GMIP: variants seen among roughly 807,000 people sequenced by gnomAD.
GMIP encodes GEM interacting protein.
GMIP carries 54 observed loss-of-function variants against 105.3 expected under a neutral mutation model. The ratio of observed to expected loss-of-function variants is 0.51; its 90% confidence interval spans 0.41 to 0.64. GMIP has a LOEUF of 0.64. Ranked by LOEUF, GMIP falls within the 30% of genes least tolerant of loss-of-function variation. The pLI, the probability that GMIP is intolerant of heterozygous loss-of-function variation, is 0.00. For missense variants in GMIP, 1,110 were observed against 1,319.4 expected (o/e 0.84, Z 2.46); for synonymous variants, 541 against 560.8 (o/e 0.96, Z 0.50).
intron 7 of GMIP, among the ~76,000 whole-genome samples, chr19:19,639,550 A>G (rs981635755): frequency 6.6e-6 from 1 of 151,656 alleles, no homozygotes; most frequent in Non-Finnish European, 1.5e-5. Flanking sequence ...CTCCCCACAA[A>G]CAAAAACGAA....
At chr19:19,638,532 A>G (rs765650037) in intron 7 of GMIP, 50 bp from the exon 8 acceptor site, 1 of 1,467,888 alleles carries the variant, frequency 6.8e-7, no homozygotes. Context: ...GGGCCAACCC[A>G]GAAGCAGCCA....
chr19:19,633,477 G>C (rs1362823665), intron 19 of GMIP, among the ~76,000 whole-genome samples: 1 of 152,204 alleles, frequency 6.6e-6, no homozygotes, highest in East Asian at 1.9e-4. Context: ...GGCACTGAGA[G>C]GGCAGGGTCT....
At chr19:19,639,551 C>T (rs2061895767) in intron 7 of GMIP, among the ~76,000 whole-genome samples, 1 of 151,710 alleles carries the variant, frequency 6.6e-6, no homozygotes, top group Non-Finnish European at 1.5e-5. Context: ...TCCCCACAAA[C>T]AAAAACGAAG....
chr19:19,637,369 T>C lies in GMIP; in HGVS notation c.1120A>G (p.Asn374Asp). 2 of 1,499,524 alleles carry C rather than the reference T, an allele frequency of 1.3e-6. No homozygotes were observed. Among genetic ancestry groups the C allele is most frequent in the Non-Finnish European group, 1.8e-6 (2 of 1,128,502 alleles). The allele number at this position is 1,499,524 out of a possible 1,614,324, so 92.9% of individuals were successfully genotyped here. Residue 374 changes from asparagine (N) to aspartate (D), a missense_variant, in exon 11 of 21, where the codon AAC (asparagine) becomes GAC (aspartate). Coordinates refer to ENST00000203556, the MANE Select transcript of GMIP (RefSeq NM_016573.4). This position sits in a 1 kb window ranked among gnomAD's most constrained non-coding sequence, Gnocchi z 6.7. ...CTCCCTGCTCCAGTGACCCACCTGTTCAAGGAGGGAAGGAACTCCTGGAAG... is the reference window on the plus strand; with the variant it reads ...CTCCCTGCTCCAGTGACCCACCTGTCCAAGGAGGGAAGGAACTCCTGGAAG... Reference protein sequence around the residue: ...FSFQEFLPSLNSSPLDIRKKL... With the variant: ...FSFQEFLPSLDSSPLDIRKKL...
chr19:19,643,281 C>G (rs965494293), intron 1 of GMIP: 3 of 472,234 alleles, frequency 6.4e-6, no homozygotes, highest in Non-Finnish European at 1.2e-5. Flanking sequence ...CTTCCTGGGC[C>G]CCCTCCCCCA....
chr19:19,633,935 G>A lies in GMIP; in HGVS notation c.2340C>T (p.Leu780=), dbSNP rs760734521. Residue 780 remains leucine, a synonymous_variant, in exon 19 of 21, where the codon CTC becomes CTT. Transcript: ENST00000203556. ...GGGGTGGCGGTTGGGAGCTGGTTGT[G>A]AGGGGCCCAGGGGCTGGGCTGGAGT... ...PQDSSPAPGP[L]TTSSQPPPPH... is the part of the protein sequence containing the mutation. The A allele has an allele frequency of 1.9e-6, 3 of 1,565,174 alleles. No homozygotes were observed. The highest frequency in any genetic ancestry group is 2.6e-6 in the Non-Finnish European group (3 of 1,149,612).
rs760815625 is a variant in GMIP at position 19,640,547 on chromosome 19, A to T, written c.263T>A (p.Ile88Asn). ...TGCGTCCACACCCCCCTTTGTCCGAATGAGCCGCAAGTCCAGTTCCTCCCC... is the reference window on the plus strand; with the variant it reads ...TGCGTCCACACCCCCCTTTGTCCGATTGAGCCGCAAGTCCAGTTCCTCCCC... Reference protein sequence around the residue: ...LTGEELDLRLIRTKGGVDAAL... With the variant: ...LTGEELDLRLNRTKGGVDAAL... Residue 88 changes from isoleucine to asparagine, a missense_variant, in exon 5 of 21, where the codon ATT becomes AAT. Coordinates refer to ENST00000203556, the MANE Select transcript of GMIP (RefSeq NM_016573.4). 7 of 1,613,832 alleles carry T rather than the reference A, an allele frequency of 4.3e-6. No individual in the cohort carries two copies. In the Admixed American group the frequency reaches 5.0e-5, roughly 12 times the overall value.
At chr19:19,643,402 C>A in intron 1 of GMIP, 109 bp downstream of exon 1, 1 of 1,050,446 alleles carries the variant, frequency 9.5e-7, no homozygotes, top group Non-Finnish European at 1.4e-6. Flanking sequence ...CCTTCCCATT[C>A]AGGAACTCCT....
chr19:19,637,554 A>T lies in GMIP; in HGVS notation c.935T>A (p.Leu312Gln). The T allele has an allele frequency of 6.6e-7, 1 of 1,525,268 alleles. No homozygotes were observed. Among genetic ancestry groups the T allele is most frequent in the Non-Finnish European group, 8.8e-7 (1 of 1,141,514 alleles). The allele number at this position is 1,525,268 out of a possible 1,614,324, so 94.5% of individuals were successfully genotyped here. A position where few individuals can be genotyped will look rare whatever the true frequency, so the allele number is the denominator to read the frequency against. The change falls in exon 11 of 21, where the codon CTG becomes CAG. Residue 312 changes from leucine to glutamine, a missense_variant. Physicochemically the swap from Leu to Gln is moderately radical, Grantham distance 113. Around this residue, in one of 3 missense-constraint regions of GMIP, gnomAD observed 667 missense variants for 773.2 expected, o/e 0.86. Transcript: ENST00000203556. The surrounding 1 kb of genome is among the most constrained non-coding windows in gnomAD (Gnocchi z 6.7). ...QGDEVLRRVT[L>Q]SLFGLRGAQA... is the part of the protein sequence containing the mutation. ...CGCCCCCCGCAGCCCGAAGAGACTC[A>T]GCGTCACCTGCCGGGTGGAGACAGC... is the stretch of plus-strand genomic sequence containing the variant.
At position 19,637,304 on chromosome 19, in the gene GMIP, G is replaced by T; in HGVS notation, c.1124+61C>A. 2 of 1,169,944 alleles carry T rather than the reference G, an allele frequency of 1.7e-6. No homozygotes were observed. The highest frequency in any genetic ancestry group is 2.4e-6 in the Non-Finnish European group (2 of 832,304). 72.5% of individuals were successfully genotyped at this position (1,169,944 alleles called of 1,614,324 possible). A position where few individuals can be genotyped will look rare whatever the true frequency, so the allele number is the denominator to read the frequency against. On this transcript the variant is annotated intron_variant, in intron 11 of 20. Transcript: ENST00000203556. The surrounding 1 kb of genome is among the most constrained non-coding windows in gnomAD (Gnocchi z 6.7). The stretch of plus-strand genomic sequence containing the variant: ...TAACCTCGAGTAACCAGCCTGCGGT[G>T]CCAACAGCCTGGCATCGCGATTCCG...
rs2061769838 is a variant in GMIP, at chr19:19,629,496, A to C, written c.*467T>G. The C allele has an allele frequency of 5.9e-6, 1 of 168,732 alleles. No individual in the cohort carries two copies. The highest frequency in any genetic ancestry group is 1.3e-5 in the Non-Finnish European group (1 of 77,214). 10.5% of individuals were successfully genotyped at this position (168,732 alleles called of 1,614,324 possible). A position where few individuals can be genotyped will look rare whatever the true frequency, so the allele number is the denominator to read the frequency against. On this transcript the variant is annotated 3_prime_UTR_variant, in exon 21 of 21. Coordinates refer to ENST00000203556, the MANE Select transcript of GMIP (RefSeq NM_016573.4). ...GGGCATATAGGACACAGTTTATTAG[A>C]GGCCATCAGACCTCAGGCACCACCA...
chr19:19,638,774 T>C (rs1295450057), intron 7 of GMIP, among the ~76,000 whole-genome samples: 1 of 150,942 alleles, frequency 6.6e-6, no homozygotes, highest in Non-Finnish European at 1.5e-5. Flanking sequence ...AAAAACAATT[T>C]CTTCTTTTTT....
At chr19:19,640,680 C>T in intron 4 of GMIP, 109 bp from the exon 5 acceptor site, 3 of 1,042,532 alleles carry the variant, frequency 2.9e-6, no homozygotes, top group Non-Finnish European at 4.3e-6. Context: ...CTCACAGCTC[C>T]CCAAACACTA....
At position 19,633,783 on chromosome 19, in the gene GMIP, T is replaced by C. The variant is rs376149823; in HGVS notation, c.2472+20A>G. 3.4e-4 allele frequency: 486 copies of C among 1,433,532 alleles called. No homozygotes were observed. Among genetic ancestry groups the C allele is most frequent in the Non-Finnish European group, 4.4e-4 (477 of 1,088,092 alleles). The allele number at this position is 1,433,532 out of a possible 1,614,324, so 88.8% of individuals were successfully genotyped here. ...AGAGATAAGGCCCTCTCCATAGCTG[T>C]GGGCCCAGTGGGTTCTTACCTCGGT... is the stretch of plus-strand genomic sequence containing the variant. On this transcript the variant is annotated intron_variant, in intron 19 of 20. Coordinates refer to ENST00000203556, the MANE Select transcript of GMIP (RefSeq NM_016573.4).
At position 19,636,661 on chromosome 19, in the gene GMIP, G is replaced by A. The variant is rs763886340; in HGVS notation, c.1327+46C>T. 7.3e-6 allele frequency: 10 copies of A among 1,379,260 alleles called. No homozygotes were observed. The East Asian group carries it at 1.8e-4, about 25-fold the overall frequency. The allele number at this position is 1,379,260 out of a possible 1,614,324, so 85.4% of individuals were successfully genotyped here. Reference sequence around the variant, plus strand: ...GTCAGAGCTTGGCCAGGGGCTGGAGGATGGTCACAGGTGGAGTGTGGGTCA... The same window carrying A: ...GTCAGAGCTTGGCCAGGGGCTGGAGAATGGTCACAGGTGGAGTGTGGGTCA... On this transcript the variant is annotated intron_variant, in intron 13 of 20. Coordinates refer to ENST00000203556, the MANE Select transcript of GMIP (RefSeq NM_016573.4).
In GMIP at chr19:19,637,784, T is replaced by G; in HGVS notation, c.927+136A>C. ...CATGGGGCGGAGCCGAGACAGTGGG[T>G]CTGGGGGCGGGAACTGGCTGTCGAG... On this transcript the variant is annotated intron_variant, in intron 10 of 20. Coordinates refer to ENST00000203556, the MANE Select transcript of GMIP (RefSeq NM_016573.4). This position sits in a 1 kb window ranked among gnomAD's most constrained non-coding sequence, Gnocchi z 6.7. 1.0e-6 allele frequency: 1 copy of G among 990,206 alleles called. No individual in the cohort carries two copies. The highest frequency in any genetic ancestry group is 1.6e-5 in the South Asian group (1 of 62,620). 61.3% of individuals were successfully genotyped at this position (990,206 alleles called of 1,614,324 possible). A position where few individuals can be genotyped will look rare whatever the true frequency, so the allele number is the denominator to read the frequency against.
In GMIP at chr19:19,636,962, C is replaced by G; in HGVS notation, c.1192G>C (p.Glu398Gln). The G allele has an allele frequency of 1.3e-6, 2 of 1,585,304 alleles. No homozygotes were observed. The highest frequency in any genetic ancestry group is 1.7e-6 in the Non-Finnish European group (2 of 1,165,020). ...CCCGGATCCTCCCAAGGGCCTGGCT[C>G]AGCTGAATTCTCATCCAGCCTTGGA... Reference protein sequence around the residue: ...LPPRLDENSAEPGPWEDPGTG... With the variant: ...LPPRLDENSAQPGPWEDPGTG... Residue 398 changes from glutamate (E) to glutamine (Q), a missense_variant, in exon 12 of 21, where the codon GAG (glutamate) becomes CAG (glutamine). Glu to Gln is a conservative substitution (Grantham distance 29). Coordinates refer to ENST00000203556, the MANE Select transcript of GMIP (RefSeq NM_016573.4).
In GMIP at chr19:19,630,035, C is replaced by T. The variant is rs1331566959; in HGVS notation, c.2841G>A (p.Leu947=). Residue 947 remains leucine (L), a synonymous_variant, in exon 21 of 21, where the codon TTG becomes TTA. Coordinates refer to ENST00000203556, the MANE Select transcript of GMIP (RefSeq NM_016573.4). This position sits in a 1 kb window ranked among gnomAD's most constrained non-coding sequence, Gnocchi z 4.8. ...TQETARLLSK[L]DSEAVPRATC... is the part of the protein sequence containing the mutation. ...TGGCCCTGGGCACAGCCTCGCTGTCCAATTTCGAGAGTAGCCGGGCTGTCT... is the reference window on the plus strand; with the variant it reads ...TGGCCCTGGGCACAGCCTCGCTGTCTAATTTCGAGAGTAGCCGGGCTGTCT... 6.2e-7 allele frequency: 1 copy of T among 1,608,886 alleles called. No individual in the cohort carries two copies. The highest frequency in any genetic ancestry group is 8.5e-7 in the Non-Finnish European group (1 of 1,177,962).
chr19:19,639,939 C>T (rs950794171), intron 7 of GMIP, 146 bp downstream of exon 7: 1 of 605,906 alleles, frequency 1.7e-6, no homozygotes, highest in South Asian at 2.0e-5. Context: ...TCCCAAGCAT[C>T]CCCGGGCCTC....
Sources: gnomAD v4.1 joint callset for allele counts (sites outside exome capture counted in the v4.1 genomes callset) on GRCh38, gnomAD v4.1.1 for gene constraint, gnomAD v4.1.1 regional missense constraint, Gnocchi (gnomAD v3.1) non-coding constraint, MANE v1.5 for transcripts, NCBI Gene and HGNC (gene_info 2026-07-23, HGNC 2026-07-21) for gene names.